The following COP1 variants were observed in gnomAD, a reference collection of about 807,000 sequenced individuals.
The protein encoded by COP1 is E3 ubiquitin-protein ligase COP1.
Under a neutral mutation model 101.3 loss-of-function variants are expected in COP1, and 24 were observed. That is an observed-to-expected ratio of 0.24 (90% confidence interval 0.17 to 0.33). The LOEUF (loss-of-function observed/expected upper bound fraction) is 0.33. Among genes scored for constraint, COP1 ranks in the 10% least tolerant of loss-of-function variants. COP1 has a pLI of 1.00. For missense variants in COP1, 663 were observed against 906.2 expected (o/e 0.73, Z 3.45); for synonymous variants, 347 against 341.9 (o/e 1.01, Z -0.17).
rs1244606975 is a variant in COP1 at position 176,206,586 on chromosome 1, G to C, written c.393C>G (p.Ser131Arg). ...TTCAAACCCACCATACGAAGTCGTTGCTTTTGTCCTCGTAGGAGTTGATGA... is the reference window on the plus strand; with the variant it reads ...TTCAAACCCACCATACGAAGTCGTTCCTTTTGTCCTCGTAGGAGTTGATGA... ...NGLINSYEDK[S>R]NDFVCPICFD... Residue 131 changes from serine to arginine, a missense_variant, in exon 1 of 20, where the codon AGC becomes AGG. Ser to Arg is a moderately radical substitution (Grantham distance 110). Transcript: ENST00000367669. The C allele has an allele frequency of 1.9e-6, 3 of 1,610,868 alleles. No individual in the cohort carries two copies. The highest frequency in any genetic ancestry group is 2.5e-6 in the Non-Finnish European group (3 of 1,179,882).
chr1:176,088,623 GA>G (rs1480845310), intron 9 of COP1, among the ~76,000 whole-genome samples: 1 of 151,994 alleles, frequency 6.6e-6, no homozygotes, highest in African/African-American at 2.4e-5. Flanking sequence ...TCCAAAAAAA[GA>G]AAAATGAATT....
At chr1:176,141,640 A>G (rs960717109) in intron 6 of COP1, among the ~76,000 whole-genome samples, 5 of 151,690 alleles carry the variant, frequency 3.3e-5, no homozygotes, top group African/African-American at 1.2e-4. Flanking sequence ...CCATACTATC[A>G]CTCCACAAAC....
At chr1:176,006,770 C>T (rs1282542199) in intron 15 of COP1, among the ~76,000 whole-genome samples, 1 of 152,136 alleles carries the variant, frequency 6.6e-6, no homozygotes, top group African/African-American at 2.4e-5. Flanking sequence ...TTCTCTCTGG[C>T]TGCCCTTAAC....
intron 18 of COP1, among the ~76,000 whole-genome samples, chr1:175,980,094 C>T (rs772374429): frequency 6.6e-6 from 1 of 152,010 alleles, no homozygotes; most frequent in Non-Finnish European, 1.5e-5. Flanking sequence ...AGATAAGTGG[C>T]TATTATTATG....
chr1:176,014,536 T>TA (rs1665276786), intron 15 of COP1, among the ~76,000 whole-genome samples: 1 of 152,158 alleles, frequency 6.6e-6, no homozygotes, highest in Non-Finnish European at 1.5e-5. Flanking sequence ...TATGGACATT[T>TA]AAAAAATAAA....
At chr1:176,023,718 C>CAAAAAAAAAAAAAAAAAAAAAA (rs759455090) in intron 15 of COP1, among the ~76,000 whole-genome samples, 12 of 122,082 alleles carry the variant, frequency 9.8e-5, no homozygotes, top group South Asian at 2.5e-4. Flanking sequence ...AACTCCATCT[C>CAAAAAAAAAAAAAAAAAAAAAA]AAAAAAAAAA....
chr1:176,093,455 T>C (rs1374483954), intron 9 of COP1, among the ~76,000 whole-genome samples: 1 of 152,112 alleles, frequency 6.6e-6, no homozygotes, highest in Non-Finnish European at 1.5e-5. Flanking sequence ...ATGCCTGTAC[T>C]CCCAGCAGTT....
intron 6 of COP1, among the ~76,000 whole-genome samples, chr1:176,144,237 T>G (rs1691215704): frequency 6.6e-6 from 1 of 152,200 alleles, no homozygotes; most frequent in South Asian, 2.1e-4. Context: ...TTAGGATTAA[T>G]GAGAGTTTAA....
chr1:176,205,194 C>G (rs1055335025), intron 1 of COP1, among the ~76,000 whole-genome samples: 1 of 152,208 alleles, frequency 6.6e-6, no homozygotes, highest in Non-Finnish European at 1.5e-5. Context: ...GCACACCCCA[C>G]TTTGTTTTAT....
In COP1 at chr1:175,947,186, A is replaced by G; in HGVS notation, c.2178+9T>C. The G allele has an allele frequency of 6.3e-7, 1 of 1,591,752 alleles. No homozygotes were observed. The highest frequency in any genetic ancestry group is 8.6e-7 in the Non-Finnish European group (1 of 1,159,916). On this transcript the variant is annotated intron_variant, in intron 19 of 19. Transcript: ENST00000367669. The stretch of plus-strand genomic sequence containing the variant: ...TGAGTTTAAAATGGAGATATAGTAA[A>G]TAGCTTACCTTAATTGTACCCTGAC...
At chr1:176,020,676 C>T (rs1666611311) in intron 15 of COP1, among the ~76,000 whole-genome samples, 1 of 152,038 alleles carries the variant, frequency 6.6e-6, no homozygotes, top group Non-Finnish European at 1.5e-5. Context: ...GACTCTGTCC[C>T]AACAACAACA....
At chr1:176,127,173 T>C in intron 8 of COP1, among the ~76,000 whole-genome samples, 1 of 152,176 alleles carries the variant, frequency 6.6e-6, no homozygotes, top group East Asian at 1.9e-4. Flanking sequence ...GATCAGAGTA[T>C]AGCATATCCA....
chr1:175,960,231 A>C (rs1651169636), intron 18 of COP1, among the ~76,000 whole-genome samples: 1 of 152,196 alleles, frequency 6.6e-6, no homozygotes, highest in Admixed American at 6.5e-5. Flanking sequence ...GAGTAGATTA[A>C]ATGTCTTTGG....
intron 2 of COP1, among the ~76,000 whole-genome samples, chr1:176,180,913 G>A (rs905280544): frequency 6.6e-6 from 1 of 152,192 alleles, no homozygotes; most frequent in African/African-American, 2.4e-5. Context: ...CACATGCTGG[G>A]AGATGACGAT....
chr1:176,131,467 T>C (rs1688884445), intron 8 of COP1, among the ~76,000 whole-genome samples: 1 of 151,718 alleles, frequency 6.6e-6, no homozygotes, highest in African/African-American at 2.4e-5. Context: ...AAACCCAGAA[T>C]CTATGTAAAG....
chr1:175,996,944 A>T (rs1660312552), intron 15 of COP1, among the ~76,000 whole-genome samples: 1 of 151,900 alleles, frequency 6.6e-6, no homozygotes. Flanking sequence ...TCGCCAAGTC[A>T]ATCCTAAGCC....
intron 9 of COP1, among the ~76,000 whole-genome samples, chr1:176,108,964 T>C (rs61821007): frequency 0.11 from 16,517 of 151,686 alleles, 990 homozygotes; most frequent in Middle Eastern, 0.16. Flanking sequence ...ATATAAAAAT[T>C]AGCTGGGCGC....
At chr1:176,120,477 A>G (rs1054032339) in intron 8 of COP1, among the ~76,000 whole-genome samples, 8 of 152,072 alleles carry the variant, frequency 5.3e-5, no homozygotes, top group African/African-American at 1.9e-4. Context: ...ACGTCAAGGG[A>G]AAAAAATTTC....
chr1:176,084,923 C>G (rs1256572950), intron 10 of COP1, among the ~76,000 whole-genome samples: 1 of 151,720 alleles, frequency 6.6e-6, no homozygotes, highest in East Asian at 1.9e-4. Flanking sequence ...ATTGAGCACC[C>G]AACATGTACC....
Sources: allele counts gnomAD v4.1 joint callset (sites outside exome capture counted in the v4.1 genomes callset), GRCh38; gene constraint gnomAD v4.1.1; transcripts MANE v1.5; gene names NCBI Gene and HGNC (gene_info 2026-07-23, HGNC 2026-07-21).